KCNIP3: variants seen among roughly 807,000 people sequenced by gnomAD.
KCNIP3 encodes the protein calsenilin.
Under a neutral mutation model 35.0 loss-of-function variants are expected in KCNIP3, and 28 were observed. That is an observed-to-expected ratio of 0.80 (90% CI 0.59 to 1.10). The LOEUF (loss-of-function observed/expected upper bound fraction) is 1.10, where lower values mean the gene tolerates loss of function less well. KCNIP3 is among the 50% of genes least tolerant of loss of function. KCNIP3 has a pLI of 0.00. For missense variants in KCNIP3, 295 were observed against 338.4 expected (o/e 0.87, Z 1.01); for synonymous variants, 134 against 133.8 (o/e 1.00, Z -0.01).
rs1680217656 is a variant in KCNIP3 at position 95,377,024 on chromosome 2, A to G, written c.447+1816A>G. 6.6e-6 allele frequency among the ~76,000 whole-genome samples: 1 copy of G among 152,214 alleles called. No homozygotes were observed. The highest frequency in any genetic ancestry group is 2.4e-5 in the African/African-American group (1 of 41,466). On this transcript the variant is annotated intron_variant, in intron 5 of 8. Transcript: ENST00000295225. The surrounding 1 kb of genome is among the most constrained non-coding windows in gnomAD (Gnocchi z 4.7). ...CAAATCGGAAAACACACAGACCTCA[A>G]CAGAGCCAAGCGGGCGATGCCATCC... is the stretch of plus-strand genomic sequence containing the variant.
chr2:95,335,577 T>C (rs1036713934), intron 2 of KCNIP3, among the ~76,000 whole-genome samples: 6 of 152,214 alleles, frequency 3.9e-5, no homozygotes, highest in Non-Finnish European at 5.9e-5. Context: ...CTCCACACCA[T>C]AGCAGATGTA....
At chr2:95,347,860 C>T (rs1415762915) in intron 2 of KCNIP3, among the ~76,000 whole-genome samples, 1 of 152,248 alleles carries the variant, frequency 6.6e-6, no homozygotes, top group African/African-American at 2.4e-5. Flanking sequence ...GGGCATCCTG[C>T]CTGCCCCAGC....
chr2:95,337,046 G>T (rs1473440044), intron 2 of KCNIP3, among the ~76,000 whole-genome samples: 1 of 152,150 alleles, frequency 6.6e-6, no homozygotes, highest in Non-Finnish European at 1.5e-5. Flanking sequence ...GATTTTGGGG[G>T]CTACTTTTTC....
chr2:95,310,113 C>T, intron 1 of KCNIP3: 2 of 647,922 alleles, frequency 3.1e-6, no homozygotes, highest in Non-Finnish European at 5.7e-6. Context: ...CTCTCTGCAC[C>T]CCTGTCTGCC....
Position 95,384,074 on chromosome 2 carries a change from C to G in KCNIP3, c.*25C>G. 1 of 1,610,198 alleles carries G rather than the reference C, an allele frequency of 6.2e-7. No individual in the cohort carries two copies. Among genetic ancestry groups the G allele is most frequent in the Non-Finnish European group, 8.5e-7 (1 of 1,176,646 alleles). On this transcript the variant is annotated 3_prime_UTR_variant, in exon 9 of 9. Coordinates refer to ENST00000295225, the MANE Select transcript of KCNIP3 (RefSeq NM_013434.5). ...GGACACGTCCAAAGGAGTGCATGGC[C>G]ACAGCCACCTCCACCCCCAAGAAAC...
At chr2:95,355,185 C>T (rs188169702) in intron 2 of KCNIP3, 3 of 152,324 alleles carry the variant, frequency 2.0e-5, no homozygotes, top group Admixed American at 2.0e-4. Flanking sequence ...CAGCCTCTTA[C>T]AGGACAGGTG....
intron 2 of KCNIP3, among the ~76,000 whole-genome samples, chr2:95,355,550 G>A (rs1478269802): frequency 2.6e-5 from 4 of 152,208 alleles, no homozygotes; most frequent in Middle Eastern, 3.4e-3. Flanking sequence ...CTGTGTCCAA[G>A]TGATCTCATT....
chr2:95,383,127 ACCCACCCGCCCATC>A, intron 7 of KCNIP3, 91 bp from the exon 8 acceptor site: 8 of 247,708 alleles, frequency 3.2e-5, no homozygotes, highest in Admixed American at 5.4e-5. Flanking sequence ...CCGCCCATCC[ACCCACCCGCCCATC>A]CACCCACCCA....
chr2:95,341,265 T>C (rs552670224), intron 2 of KCNIP3, among the ~76,000 whole-genome samples: 33 of 152,332 alleles, frequency 2.2e-4, no homozygotes, highest in African/African-American at 7.5e-4. Flanking sequence ...TCTTTCTTGC[T>C]CCTGCTCCTG....
At chr2:95,360,697 C>G (rs1257920409) in intron 2 of KCNIP3, among the ~76,000 whole-genome samples, 2 of 152,102 alleles carry the variant, frequency 1.3e-5, no homozygotes, top group Admixed American at 6.5e-5. Context: ...CTGGGGATGG[C>G]CTTCTTACTG....
intron 2 of KCNIP3, among the ~76,000 whole-genome samples, chr2:95,316,994 C>T (rs1440960973): frequency 6.6e-6 from 1 of 152,230 alleles, no homozygotes; most frequent in Non-Finnish European, 1.5e-5. Flanking sequence ...ATGAATTTGG[C>T]TCTCCCTTCT....
intron 1 of KCNIP3, among the ~76,000 whole-genome samples, chr2:95,302,006 C>T (rs1037989477): frequency 1.3e-5 from 2 of 152,308 alleles, no homozygotes; most frequent in African/African-American, 2.4e-5. Context: ...CTATGTCTGT[C>T]TGTGCCCAGG....
At chr2:95,350,165 G>T (rs1172046263) in intron 2 of KCNIP3, among the ~76,000 whole-genome samples, 1 of 152,154 alleles carries the variant, frequency 6.6e-6, no homozygotes, top group Non-Finnish European at 1.5e-5. Context: ...GTGGGCCCCG[G>T]CAGGCAGCAT....
intron 2 of KCNIP3, among the ~76,000 whole-genome samples, chr2:95,333,499 A>G (rs1217736950): frequency 6.6e-6 from 1 of 152,262 alleles, no homozygotes. Flanking sequence ...CCCTCGGTCA[A>G]CCTAGCCTCG....
At chr2:95,315,777 C>T (rs1438639604) in intron 2 of KCNIP3, among the ~76,000 whole-genome samples, 2 of 141,548 alleles carry the variant, frequency 1.4e-5, no homozygotes, top group East Asian at 4.7e-4. Context: ...CCGTAGGGGG[C>T]GGGTGGGCTG....
In KCNIP3 at chr2:95,380,634, A is replaced by G. The variant is rs1573523788; in HGVS notation, c.448-962A>G. Among the ~76,000 whole-genome samples, 3 of 152,324 alleles carry G rather than the reference A, an allele frequency of 2.0e-5. No homozygotes were observed. The East Asian group carries it at 5.8e-4, about 29-fold the overall frequency. On this transcript the variant is annotated intron_variant, in intron 5 of 8. Coordinates refer to ENST00000295225, the MANE Select transcript of KCNIP3 (RefSeq NM_013434.5). The stretch of plus-strand genomic sequence containing the variant: ...AAGTTGTCACATGGAAACCATTTAA[A>G]CAGCCATATTCTGTCATATTAGTAG...
rs1680209120 is a variant in KCNIP3 at position 95,376,718 on chromosome 2, C to T, written c.447+1510C>T. ...AGGGCACAAGCCCCCATGGCCCCAT[C>T]CTGGGAGCCCCACAGACTGGGATCC... On this transcript the variant is annotated intron_variant, in intron 5 of 8. Coordinates refer to ENST00000295225, the MANE Select transcript of KCNIP3 (RefSeq NM_013434.5). The surrounding 1 kb of genome is among the most constrained non-coding windows in gnomAD (Gnocchi z 4.2). Among the ~76,000 whole-genome samples the T allele has an allele frequency of 6.6e-6, 1 of 152,230 alleles. No individual in the cohort carries two copies. Among genetic ancestry groups the T allele is most frequent in the South Asian group, 2.1e-4 (1 of 4,836 alleles).
At chr2:95,363,049 G>C (rs540781815) in intron 2 of KCNIP3, among the ~76,000 whole-genome samples, 1 of 152,126 alleles carries the variant, frequency 6.6e-6, no homozygotes, top group Non-Finnish European at 1.5e-5. Flanking sequence ...CATCATTTGT[G>C]AACACTCTAC....
At chr2:95,329,220 G>A (rs1010410980) in intron 2 of KCNIP3, among the ~76,000 whole-genome samples, 7 of 134 alleles carry the variant, frequency 0.052, no homozygotes, top group Admixed American at 0.071. Context: ...GGCTCCCAGC[G>A]CGGGCCAAGC....
Sources: allele counts gnomAD v4.1 joint callset (sites outside exome capture counted in the v4.1 genomes callset), GRCh38; gene constraint gnomAD v4.1.1; non-coding constraint Gnocchi (gnomAD v3.1); transcripts MANE v1.5; gene names NCBI Gene and HGNC (gene_info 2026-07-23, HGNC 2026-07-21).